Variants in SUGCT observed in about 807,000 individuals in gnomAD.
SUGCT encodes succinyl-CoA:glutarate-CoA transferase.
A neutral mutation model predicts 55.0 loss-of-function variants in SUGCT; 41 were observed. The observed-to-expected ratio is 0.74, with a 90% confidence interval of 0.58 to 0.97. The LOEUF is 0.97. SUGCT is among the 50% of genes least tolerant of loss of function. The pLI is 0.00. For missense variants in SUGCT, 568 were observed against 547.8 expected, an observed-to-expected ratio of 1.04 and a Z score of -0.37; for synonymous variants, 187 against 200.4, an observed-to-expected ratio of 0.93 and a Z score of 0.56.
intron 12 of SUGCT, among the ~76,000 whole-genome samples, chr7:40,749,231 G>T (rs1415953244): frequency 6.6e-6 from 1 of 152,140 alleles, no homozygotes; most frequent in Non-Finnish European, 1.5e-5. Flanking sequence ...GAATCCTCTA[G>T]TCTTTTTTGG....
chr7:40,907,095 TAGTGTG>T, the SUGCT span, among the ~76,000 whole-genome samples: 6 of 52,206 alleles, frequency 1.1e-4, no homozygotes, highest in Middle Eastern at 7.8e-3. Flanking sequence ...TTTGTTCTGA[TAGTGTG>T]TGTGTGTGTG....
the SUGCT span, among the ~76,000 whole-genome samples, chr7:40,909,783 C>T: frequency 2.0e-5 from 3 of 152,124 alleles, no homozygotes; most frequent in Admixed American, 6.5e-5. Context: ...GGACTCATCT[C>T]GTGGCTTTAT....
intron 13 of SUGCT, among the ~76,000 whole-genome samples, chr7:40,753,722 A>G (rs1331678149): frequency 6.6e-6 from 1 of 152,226 alleles, no homozygotes; most frequent in Non-Finnish European, 1.5e-5. Flanking sequence ...GTATAAATCC[A>G]CATAGCATTC....
At chr7:41,036,627 C>T in the SUGCT span, among the ~76,000 whole-genome samples, 3 of 152,146 alleles carry the variant, frequency 2.0e-5, no homozygotes, top group South Asian at 6.2e-4. Context: ...TGGGATGGTG[C>T]AAAAGTAATT....
intron 11 of SUGCT, among the ~76,000 whole-genome samples, chr7:40,483,578 G>A (rs1791174451): frequency 6.6e-6 from 1 of 151,628 alleles, no homozygotes; most frequent in Non-Finnish European, 1.5e-5. Flanking sequence ...ATATGAAAAA[G>A]GTAATTAAAA....
intron 6 of SUGCT, among the ~76,000 whole-genome samples, chr7:40,201,774 G>A (rs1786616475): frequency 1.3e-5 from 2 of 152,056 alleles, no homozygotes; most frequent in Admixed American, 1.3e-4. Flanking sequence ...TTCCCCAACA[G>A]TATAACCTTT....
chr7:40,362,076 T>G (rs1236640646), intron 9 of SUGCT, among the ~76,000 whole-genome samples: 2 of 152,020 alleles, frequency 1.3e-5, no homozygotes, highest in East Asian at 3.9e-4. Flanking sequence ...AAGAAAACTC[T>G]TTAGAACATC....
At chr7:40,245,652 A>G (rs1789821031) in intron 7 of SUGCT, among the ~76,000 whole-genome samples, 1 of 148,842 alleles carries the variant, frequency 6.7e-6, no homozygotes, top group Admixed American at 6.8e-5. Context: ...TGTTAGCCAG[A>G]TGGTCTCGAT....
intron 9 of SUGCT, among the ~76,000 whole-genome samples, chr7:40,377,587 C>A (rs1784668795): frequency 6.6e-6 from 1 of 151,984 alleles, no homozygotes; most frequent in Non-Finnish European, 1.5e-5. Context: ...ACCCTGTGTG[C>A]AAGTATGCAG....
At chr7:40,992,762 C>G in the SUGCT span, among the ~76,000 whole-genome samples, 1 of 152,106 alleles carries the variant, frequency 6.6e-6, no homozygotes, top group African/African-American at 2.4e-5. Context: ...GTAATTCTAC[C>G]CTAGGTGAGT....
At chr7:40,905,234 G>A in the SUGCT span, among the ~76,000 whole-genome samples, 1 of 152,272 alleles carries the variant, frequency 6.6e-6, no homozygotes. Flanking sequence ...TTTCCAAGCA[G>A]CAAGAAACCC....
intron 13 of SUGCT, among the ~76,000 whole-genome samples, chr7:40,854,053 G>A (rs1793991416): frequency 6.6e-6 from 1 of 152,110 alleles, no homozygotes; most frequent in Non-Finnish European, 1.5e-5. Flanking sequence ...TTAGCATCAA[G>A]GTCAAATGAA....
intron 7 of SUGCT, 64 bp downstream of exon 7, chr7:40,237,790 C>A: frequency 1.5e-6 from 2 of 1,320,448 alleles, no homozygotes; most frequent in Non-Finnish European, 2.2e-6. Flanking sequence ...GGATTTTACT[C>A]TGCACTAACC....
Position 40,827,309 on chromosome 7 carries a change from T to C in SUGCT, c.1154-33007T>C, listed in dbSNP as rs183613184. 2.2e-4 allele frequency among the ~76,000 whole-genome samples: 34 copies of C among 152,184 alleles called. No homozygotes were observed. In the East Asian group the frequency reaches 6.2e-3, roughly 28 times the overall value. On this transcript the variant is annotated intron_variant, in intron 13 of 13. Coordinates refer to ENST00000335693, the MANE Select transcript of SUGCT (RefSeq NM_001193313.2). Reference sequence around the variant, plus strand: ...AGGTGCTGCCCCTGCTCTGATACATTCCACAGTGGAGAGAGTCCACTGGAA... The same window carrying C: ...AGGTGCTGCCCCTGCTCTGATACATCCCACAGTGGAGAGAGTCCACTGGAA...
chr7:40,382,043 G>T (rs1030913616), intron 9 of SUGCT, among the ~76,000 whole-genome samples: 5 of 151,622 alleles, frequency 3.3e-5, no homozygotes, highest in African/African-American at 1.2e-4. Context: ...GTAACTCTAG[G>T]AATTTCTTGA....
chr7:40,989,203 G>A, the SUGCT span, among the ~76,000 whole-genome samples: 1 of 152,078 alleles, frequency 6.6e-6, no homozygotes, highest in Admixed American at 6.5e-5. Flanking sequence ...TGCATCTATT[G>A]ACTTTTCCTG....
At chr7:40,759,895 C>G (rs1788448142) in intron 13 of SUGCT, among the ~76,000 whole-genome samples, 1 of 149,772 alleles carries the variant, frequency 6.7e-6, no homozygotes, top group Non-Finnish European at 1.5e-5. Context: ...AAAAAAAAAG[C>G]AGCAGCAGCC....
At chr7:40,289,762 T>A (rs554672752) in intron 8 of SUGCT, among the ~76,000 whole-genome samples, 159 of 152,292 alleles carry the variant, frequency 1.0e-3, no homozygotes, top group African/African-American at 3.5e-3. Flanking sequence ...AACCCCATTG[T>A]CTCAGCCCAA....
chr7:40,495,093 G>A (rs1172250893), intron 11 of SUGCT, among the ~76,000 whole-genome samples: 1 of 151,920 alleles, frequency 6.6e-6, no homozygotes, highest in African/African-American at 2.4e-5. Flanking sequence ...TGTATTTTTA[G>A]TAGAGACAGG....
Sources: allele counts gnomAD v4.1 joint callset (sites outside exome capture counted in the v4.1 genomes callset), GRCh38; gene constraint gnomAD v4.1.1; transcripts MANE v1.5; gene names NCBI Gene and HGNC (gene_info 2026-07-23, HGNC 2026-07-21).